The following CXCL2 variants were observed in gnomAD, a reference collection of about 807,000 sequenced individuals.
The protein encoded by CXCL2 is C-X-C motif chemokine 2.
Under a neutral mutation model 11.2 loss-of-function variants are expected in CXCL2, and 12 were observed. The observed-to-expected ratio is 1.08, with a 90% CI of 0.69 to 1.74. CXCL2 has a LOEUF of 1.74. Among genes scored for constraint, CXCL2 ranks in the 40% most tolerant of loss-of-function variants. The pLI, the probability that CXCL2 is intolerant of heterozygous loss-of-function variation, is 0.00. For synonymous variants in CXCL2, 68 were observed against 61.9 expected, an observed-to-expected ratio of 1.10 and a Z score of -0.47; for missense variants, 120 against 137.8, an observed-to-expected ratio of 0.87 and a Z score of 0.65.
chr4:74,098,527 CT>C (rs1721328391), intron 3 of CXCL2, 73 bp downstream of exon 3: 1 of 1,496,910 alleles, frequency 6.7e-7, no homozygotes, highest in Admixed American at 1.8e-5. Context: ...TCCTGATTTA[CT>C]TTTTAGGGGG....
Position 74,098,655 on chromosome 4 carries a change from C to A in CXCL2, c.254G>T (p.Cys85Phe). The change falls in exon 3 of 4, where the codon TGT becomes TTT. Residue 85 changes from cysteine to phenylalanine, a missense_variant. By Grantham distance (205) the Cys-to-Phe change is radical. Transcript: ENST00000508487. The stretch of plus-strand genomic sequence containing the variant: ...AACCATGGGCGATGCGGGGTTGAGA[C>A]AAGCTTTCTGCCCATTCTTGAGTGT... ...IATLKNGQKACLNPASPMVKK... is the reference protein window; with the variant it reads ...IATLKNGQKAFLNPASPMVKK... 2 of 1,614,130 alleles carry A rather than the reference C, an allele frequency of 1.2e-6. No homozygotes were observed. Among genetic ancestry groups the A allele is most frequent in the Non-Finnish European group, 1.7e-6 (2 of 1,180,026 alleles).
At position 74,097,303 on chromosome 4, in the gene CXCL2, C is replaced by A. The variant is rs1721300622; in HGVS notation, c.*453G>T. The A allele has an allele frequency of 1.3e-5, 2 of 152,314 alleles. No individual in the cohort carries two copies. The highest frequency in any genetic ancestry group is 1.3e-4 in the Admixed American group (2 of 15,278). The allele number at this position is 152,314 out of a possible 1,614,324, so 9.4% of individuals were successfully genotyped here. On this transcript the variant is annotated 3_prime_UTR_variant, in exon 4 of 4. Coordinates refer to ENST00000508487, the MANE Select transcript of CXCL2 (RefSeq NM_002089.4). The stretch of plus-strand genomic sequence containing the variant: ...TCTTTACAGTTACAAAATAGACACA[C>A]ATACATTTCCCTGCCGTCACATTGA...
chr4:74,097,779 G>A lies in CXCL2; in HGVS notation c.309-8C>T, dbSNP rs750117850. ...GGTCAGTTGGATTTGCCACTGTAAT[G>A]AGAAAATGGGTGCCCTGAGTAGGTG... On this transcript the variant is annotated splice_polypyrimidine_tract_variant and splice_region_variant and intron_variant, in intron 3 of 3. Coordinates refer to ENST00000508487, the MANE Select transcript of CXCL2 (RefSeq NM_002089.4). 8.8e-6 allele frequency: 14 copies of A among 1,599,586 alleles called. No homozygotes were observed. Among genetic ancestry groups the A allele is most frequent in the African/African-American group, 1.3e-5 (1 of 74,488 alleles).
intron 2 of CXCL2, 46 bp downstream of exon 2, chr4:74,098,753 G>C (rs368385936): frequency 4.1e-5 from 66 of 1,613,346 alleles, no homozygotes; most frequent in Non-Finnish European, 5.3e-5. Context: ...CAGCGGGAGA[G>C]TCGGGGACCC....
Position 74,098,920 on chromosome 4 carries a change from C to T in CXCL2, c.103G>A (p.Ala35Thr), listed in dbSNP as rs774403935. The T allele has an allele frequency of 1.6e-5, 26 of 1,612,912 alleles. No homozygotes were observed. Among genetic ancestry groups the T allele is most frequent in the Non-Finnish European group, 5.1e-6 (6 of 1,179,650 alleles). The stretch of plus-strand genomic sequence containing the variant: ...CAGCGCAGTTCAGTGGCCAGGGGCG[C>T]TCCTAGGGAAGAAGAGACTCGCTGA... ...LVAASRRAAGAPLATELRCQC... is the reference protein window; with the variant it reads ...LVAASRRAAGTPLATELRCQC... The change falls in exon 2 of 4, where the codon GCG becomes ACG. Residue 35 changes from alanine to threonine, a missense_variant and splice_region_variant. Coordinates refer to ENST00000508487, the MANE Select transcript of CXCL2 (RefSeq NM_002089.4).
Position 74,098,633 on chromosome 4 carries a change from C to A in CXCL2, c.276G>T (p.Met92Ile). 6.2e-7 allele frequency: 1 copy of A among 1,614,130 alleles called. No homozygotes were observed. The highest frequency in any genetic ancestry group is 8.5e-7 in the Non-Finnish European group (1 of 1,180,016). The change falls in exon 3 of 4, where the codon ATG becomes ATT. Residue 92 changes from methionine to isoleucine, a missense_variant. Transcript: ENST00000508487. ...GCATCTTTTCGATGATTTTCTTAAC[C>A]ATGGGCGATGCGGGGTTGAGACAAG... is the stretch of plus-strand genomic sequence containing the variant. ...QKACLNPASP[M>I]VKKIIEKMLK...
At position 74,098,209 on chromosome 4, in the gene CXCL2, T is replaced by C. The variant is rs184498134; in HGVS notation, c.308+392A>G. Among the ~76,000 whole-genome samples, 8 of 152,346 alleles carry C rather than the reference T, an allele frequency of 5.3e-5. No homozygotes were observed. The East Asian group carries it at 1.5e-3, about 29-fold the overall frequency. On this transcript the variant is annotated intron_variant, in intron 3 of 3. Coordinates refer to ENST00000508487, the MANE Select transcript of CXCL2 (RefSeq NM_002089.4). ...CCCAGTGCAATATTATTGTGAAATC[T>C]CTGCACTTCAACCCTAAACTTTTAC...
rs750117850 is a variant in CXCL2 at position 74,097,779 on chromosome 4, G to T, written c.309-8C>A. The T allele has an allele frequency of 6.3e-7, 1 of 1,599,706 alleles. No individual in the cohort carries two copies. The highest frequency in any genetic ancestry group is 2.2e-5 in the East Asian group (1 of 44,558). ...GGTCAGTTGGATTTGCCACTGTAAT[G>T]AGAAAATGGGTGCCCTGAGTAGGTG... On this transcript the variant is annotated splice_polypyrimidine_tract_variant and splice_region_variant and intron_variant, in intron 3 of 3. Transcript: ENST00000508487.
chr4:74,099,159 A>T lies in CXCL2; in HGVS notation c.-39T>A. 1 of 1,449,774 alleles carries T rather than the reference A, an allele frequency of 6.9e-7. No homozygotes were observed. Among genetic ancestry groups the T allele is most frequent in the Non-Finnish European group, 9.1e-7 (1 of 1,104,868 alleles). 89.8% of individuals were successfully genotyped at this position (1,449,774 alleles called of 1,614,324 possible). On this transcript the variant is annotated 5_prime_UTR_variant, in exon 1 of 4. Transcript: ENST00000508487. Reference sequence around the variant, plus strand: ...CGGTTCGAGCGGCTGTGCGAGGAGGAGAGCTGGCAAGGAGCTGCCTGTGGC... The same window carrying T: ...CGGTTCGAGCGGCTGTGCGAGGAGGTGAGCTGGCAAGGAGCTGCCTGTGGC...
chr4:74,099,009 G>A lies in CXCL2; in HGVS notation c.100+12C>T. On this transcript the variant is annotated intron_variant, in intron 1 of 3. Transcript: ENST00000508487. The stretch of plus-strand genomic sequence containing the variant: ...GCGTCCGGCCCGGGGACCCCAGGGC[G>A]CCGGGACCCACCTGCTGCGCGCCGG... 1 of 1,537,938 alleles carries A rather than the reference G, an allele frequency of 6.5e-7. No individual in the cohort carries two copies. The highest frequency in any genetic ancestry group is 2.1e-5 in the Admixed American group (1 of 47,048).
chr4:74,098,675 G>C lies in CXCL2; in HGVS notation c.234C>G (p.Leu78=). 3 of 1,614,132 alleles carry C rather than the reference G, an allele frequency of 1.9e-6. No individual in the cohort carries two copies. Among genetic ancestry groups the C allele is most frequent in the Admixed American group, 1.7e-5 (1 of 60,008 alleles). ...TGAGACAAGCTTTCTGCCCATTCTTGAGTGTGGCTCTGCAGAGAGAAGGGA... is the reference window on the plus strand; with the variant it reads ...TGAGACAAGCTTTCTGCCCATTCTTCAGTGTGGCTCTGCAGAGAGAAGGGA... ...HCAQTEVIAT[L]KNGQKACLNP... Residue 78 remains leucine, a synonymous_variant, in exon 3 of 4, where the codon CTC becomes CTG. Coordinates refer to ENST00000508487, the MANE Select transcript of CXCL2 (RefSeq NM_002089.4).
intron 3 of CXCL2, 178 bp downstream of exon 3, chr4:74,098,422 TG>T: frequency 1.5e-6 from 1 of 656,860 alleles, no homozygotes; most frequent in Non-Finnish European, 2.5e-6. Context: ...CCCTGGGCAC[TG>T]GGAATATCCT....
chr4:74,097,752 C>T lies in CXCL2; in HGVS notation c.*4G>A. 1 of 1,603,012 alleles carries T rather than the reference C, an allele frequency of 6.2e-7. No individual in the cohort carries two copies. The highest frequency in any genetic ancestry group is 8.5e-7 in the Non-Finnish European group (1 of 1,173,388). Reference sequence around the variant, plus strand: ...CCACCAATAAGCTTCCTCCTTCCTTCTGGTCAGTTGGATTTGCCACTGTAA... The same window carrying T: ...CCACCAATAAGCTTCCTCCTTCCTTTTGGTCAGTTGGATTTGCCACTGTAA... On this transcript the variant is annotated 3_prime_UTR_variant, in exon 4 of 4. Transcript: ENST00000508487.
At position 74,098,914 on chromosome 4, in the gene CXCL2, G is replaced by C. The variant is rs775008091; in HGVS notation, c.109C>G (p.Leu37Val). ...AASRRAAGAP[L>V]ATELRCQCLQ... ...CACTGGCAGCGCAGTTCAGTGGCCA[G>C]GGGCGCTCCTAGGGAAGAAGAGACT... The change falls in exon 2 of 4, where the codon CTG becomes GTG. Residue 37 changes from leucine (L) to valine (V), a missense_variant. Leu to Val is a conservative substitution (Grantham distance 32). Transcript: ENST00000508487. 6.2e-6 allele frequency: 10 copies of C among 1,613,694 alleles called. No individual in the cohort carries two copies. Among genetic ancestry groups the C allele is most frequent in the South Asian group, 1.1e-5 (1 of 91,046 alleles).
In CXCL2 at chr4:74,098,491, T is replaced by C. The variant is rs548396262; in HGVS notation, c.308+110A>G. The C allele has an allele frequency of 5.5e-5, 61 of 1,112,038 alleles. No homozygotes were observed. In the African/African-American group the frequency reaches 8.2e-4, roughly 15 times the overall value. 68.9% of individuals were successfully genotyped at this position (1,112,038 alleles called of 1,614,324 possible). A position where few individuals can be genotyped will look rare whatever the true frequency, so the allele number is the denominator to read the frequency against. ...CAACTTTGTGAAAATAATAATTTTTTCAGTCCTGCAGCTAACCCTGGGTTT... is the reference window on the plus strand; with the variant it reads ...CAACTTTGTGAAAATAATAATTTTTCCAGTCCTGCAGCTAACCCTGGGTTT... On this transcript the variant is annotated intron_variant, in intron 3 of 3. Coordinates refer to ENST00000508487, the MANE Select transcript of CXCL2 (RefSeq NM_002089.4).
intron 3 of CXCL2, 64 bp downstream of exon 3, chr4:74,098,537 G>C (rs527700880): frequency 1.4e-5 from 21 of 1,531,332 alleles, no homozygotes; most frequent in Non-Finnish European, 1.9e-5. Flanking sequence ...CTTTTTAGGG[G>C]GCAGACGCCA....
At position 74,099,096 on chromosome 4, in the gene CXCL2, C is replaced by A; in HGVS notation, c.25G>T (p.Ala9Ser). ...CGCAGGAGCCGGGGATTGCTGGGGG[C>A]GGCGGAGAGCGTGGCGCGGGCCATG... MARATLSA[A>S]PSNPRLLRVA... Residue 9 changes from alanine (A) to serine (S), a missense_variant, in exon 1 of 4, where the codon GCC (alanine) becomes TCC (serine). Coordinates refer to ENST00000508487, the MANE Select transcript of CXCL2 (RefSeq NM_002089.4). 1 of 1,496,182 alleles carries A rather than the reference C, an allele frequency of 6.7e-7. No individual in the cohort carries two copies. The highest frequency in any genetic ancestry group is 8.9e-7 in the Non-Finnish European group (1 of 1,124,532). The allele number at this position is 1,496,182 out of a possible 1,614,324, so 92.7% of individuals were successfully genotyped here.
Sources: allele counts gnomAD v4.1 joint callset (sites outside exome capture counted in the v4.1 genomes callset), GRCh38; gene constraint gnomAD v4.1.1; transcripts MANE v1.5; gene names NCBI Gene and HGNC (gene_info 2026-07-23, HGNC 2026-07-21).